PRODH2: variants seen among roughly 807,000 people sequenced by gnomAD.
PRODH2 encodes the protein hydroxyproline dehydrogenase.
In PRODH2, 49 loss-of-function variants were observed where a neutral mutation model predicts 51.9. The ratio of observed to expected loss-of-function variants is 0.94; its 90% confidence interval spans 0.75 to 1.20. The LOEUF is 1.20. Among genes scored for constraint, PRODH2 ranks in the 50% most tolerant of loss-of-function variants. The pLI, the probability that PRODH2 is intolerant of heterozygous loss-of-function variation, is 0.00. For synonymous variants in PRODH2, 249 were observed against 260.7 expected, an observed-to-expected ratio of 0.96 and a Z score of 0.43; for missense variants, 597 against 610.9, an observed-to-expected ratio of 0.98 and a Z score of 0.24.
At chr19:35,808,709 T>G (rs1177640557) in intron 4 of PRODH2, among the ~76,000 whole-genome samples, 1 of 152,012 alleles carries the variant, frequency 6.6e-6, no homozygotes, top group Non-Finnish European at 1.5e-5. Flanking sequence ...GTCACACAGC[T>G]AACTCAGGGC....
intron 7 of PRODH2, 101 bp downstream of exon 7, chr19:35,806,329 T>C: frequency 7.0e-7 from 1 of 1,435,148 alleles, no homozygotes; most frequent in Non-Finnish European, 9.6e-7. Context: ...AGTGAATCTC[T>C]AGCCTCAGCC....
At chr19:35,804,788 G>T (rs940625065) in intron 7 of PRODH2, among the ~76,000 whole-genome samples, 3 of 152,148 alleles carry the variant, frequency 2.0e-5, no homozygotes, top group Non-Finnish European at 2.9e-5. Flanking sequence ...ATAAAAAAAT[G>T]TGTTGGGTAT....
chr19:35,807,246 C>A lies in PRODH2; in HGVS notation c.598-125G>T, dbSNP rs28368300. 142 of 868,206 alleles carry A rather than the reference C, an allele frequency of 1.6e-4. No individual in the cohort carries two copies. The East Asian group carries it at 3.7e-3, about 23-fold the overall frequency. 53.8% of individuals were successfully genotyped at this position (868,206 alleles called of 1,614,324 possible). A position where few individuals can be genotyped will look rare whatever the true frequency, so the allele number is the denominator to read the frequency against. ...CCTAGAATCAGGGCTCGAATCCAGG[C>A]TTCACCACCTACTGTGTGACCTTGG... On this transcript the variant is annotated intron_variant, in intron 4 of 9. Transcript: ENST00000653904.
rs748390069 is a variant in PRODH2 at position 35,803,741 on chromosome 19, C to T, written c.1002-663G>A. 2.0e-5 allele frequency among the ~76,000 whole-genome samples: 3 copies of T among 152,226 alleles called. No homozygotes were observed. The South Asian group carries it at 6.2e-4, about 31-fold the overall frequency. ...ATTGTCAACAGAACATCACTAGCAA[C>T]AGCCCAAATGTCCATAAATGGGGAA... On this transcript the variant is annotated intron_variant, in intron 7 of 9. Coordinates refer to ENST00000653904, the MANE Select transcript of PRODH2 (RefSeq NM_021232.2).
intron 4 of PRODH2, 83 bp from the exon 5 acceptor site, chr19:35,807,204 A>T: frequency 7.9e-7 from 1 of 1,266,416 alleles, no homozygotes; most frequent in Non-Finnish European, 1.1e-6. Flanking sequence ...GGTACTATTT[A>T]TTGAGGGGGT....
chr19:35,808,102 C>G (rs748652323), intron 4 of PRODH2, among the ~76,000 whole-genome samples: 15 of 152,274 alleles, frequency 9.9e-5, no homozygotes, highest in African/African-American at 3.6e-4. Context: ...GTAAGTGCCT[C>G]GAGGTCAGGG....
Position 35,806,708 on chromosome 19 carries a change from G to A in PRODH2, c.801C>T (p.Pro267=). 6.2e-7 allele frequency: 1 copy of A among 1,614,192 alleles called. No homozygotes were observed. Among genetic ancestry groups the A allele is most frequent in the Non-Finnish European group, 8.5e-7 (1 of 1,180,034 alleles). ...VRWNSPGEGG[P]WVWNTYQACL... is the part of the protein sequence containing the mutation. The stretch of plus-strand genomic sequence containing the variant: ...AGGCCTGGTAGGTGTTCCACACCCA[G>A]GGCCCGCCTTCACCCGGGCTGTTCC... Residue 267 remains proline (P), a synonymous_variant, in exon 6 of 10, where the codon CCC becomes CCT. Transcript: ENST00000653904.
chr19:35,809,270 A>AT (rs1207102842), intron 4 of PRODH2, among the ~76,000 whole-genome samples: 4 of 152,026 alleles, frequency 2.6e-5, no homozygotes, highest in Non-Finnish European at 4.4e-5. Context: ...ATTTAAAGGA[A>AT]TTTTTTGTAG....
intron 4 of PRODH2, among the ~76,000 whole-genome samples, chr19:35,808,557 G>A (rs530664773): frequency 5.3e-5 from 8 of 152,124 alleles, no homozygotes; most frequent in Non-Finnish European, 1.2e-4. Context: ...GTAGTCTTAG[G>A]CCCTCAGGGA....
In PRODH2 at chr19:35,801,302, C is replaced by T. The variant is rs554543252; in HGVS notation, c.1198+889G>A. On this transcript the variant is annotated intron_variant, in intron 9 of 9. Transcript: ENST00000653904. ...CAAACATGGTAAGACCCCATCTCTA[C>T]TAAAAATACAAAAATTAGCTGGGCG... Among the ~76,000 whole-genome samples, 4 of 152,194 alleles carry T rather than the reference C, an allele frequency of 2.6e-5. No individual in the cohort carries two copies. The East Asian group carries it at 5.8e-4, about 22-fold the overall frequency.
chr19:35,804,345 A>G (rs561981444), intron 7 of PRODH2, among the ~76,000 whole-genome samples: 1 of 152,184 alleles, frequency 6.6e-6, no homozygotes, highest in African/African-American at 2.4e-5. Flanking sequence ...GAGGCCCTGC[A>G]CCTGGCCCCT....
intron 4 of PRODH2, among the ~76,000 whole-genome samples, 195 bp from the exon 5 acceptor site, chr19:35,807,316 T>G (rs75255027): frequency 2.0e-5 from 3 of 152,166 alleles, no homozygotes; most frequent in Non-Finnish European, 4.4e-5. Flanking sequence ...GTTTGTTTGT[T>G]TTTTGAAACA....
Position 35,812,733 on chromosome 19 carries a change from C to G in PRODH2, c.73G>C (p.Asp25His). The G allele has an allele frequency of 6.2e-7, 1 of 1,611,740 alleles. No individual in the cohort carries two copies. Among genetic ancestry groups the G allele is most frequent in the South Asian group, 1.1e-5 (1 of 90,840 alleles). Residue 25 changes from aspartate (D) to histidine (H), a missense_variant, in exon 1 of 10, where the codon GAT becomes CAT. Transcript: ENST00000653904. Reference protein sequence around the residue: ...PSRGWQSLSFDGGAFHLKGTG... With the variant: ...PSRGWQSLSFHGGAFHLKGTG... The stretch of plus-strand genomic sequence containing the variant: ...CCCTTAAGGTGGAAGGCCCCGCCAT[C>G]AAAGCTCAGGGACTGCCAGCCCCTG...
chr19:35,806,583 C>T lies in PRODH2; in HGVS notation c.848G>A (p.Arg283Gln), dbSNP rs140524915. ...CGCAGCCTCTGCATCCCTCCCCAGC[C>T]GCTCGAATGTGTCCTATAGGGCACG... ...YQACLKDTFE[R>Q]LGRDAEAAHR... Residue 283 changes from arginine to glutamine, a missense_variant, in exon 7 of 10, where the codon CGG becomes CAG. Arg to Gln is a conservative substitution (Grantham distance 43). Transcript: ENST00000653904. The T allele has an allele frequency of 3.3e-5, 54 of 1,614,028 alleles. No individual in the cohort carries two copies. Among genetic ancestry groups the T allele is most frequent in the Non-Finnish European group, 4.0e-5 (47 of 1,180,036 alleles).
At position 35,800,077 on chromosome 19, in the gene PRODH2, C is replaced by T. The variant is rs527670472; in HGVS notation, c.1344G>A (p.Trp448Ter). The T allele has an allele frequency of 6.2e-7, 1 of 1,612,310 alleles. No homozygotes were observed. The highest frequency in any genetic ancestry group is 1.1e-5 in the South Asian group (1 of 90,652). Residue 448 changes from tryptophan (W) to a stop codon, truncating the protein, a stop_gained, in exon 10 of 10, where the codon TGG becomes TGA. Transcript: ENST00000653904. LOFTEE classifies it low-confidence loss of function (END_TRUNC). ...TTCGGCATCCTGGCAGCAGCCGCCG[C>T]CACAGTTCTTGGCTGAGCAGCTCCT... is the stretch of plus-strand genomic sequence containing the variant. ...REQELLSQEL[W>*]RRLLPGCRRI...
chr19:35,808,934 C>T (rs1215578910), intron 4 of PRODH2, among the ~76,000 whole-genome samples: 1 of 151,806 alleles, frequency 6.6e-6, no homozygotes, highest in Non-Finnish European at 1.5e-5. Context: ...CACGTGCCAC[C>T]ACTTCTGGAT....
intron 7 of PRODH2, among the ~76,000 whole-genome samples, chr19:35,804,045 G>T (rs1283422237): frequency 6.6e-6 from 1 of 152,160 alleles, no homozygotes; most frequent in Non-Finnish European, 1.5e-5. Context: ...GAGTGTGGGT[G>T]TCTCACCTCG....
intron 7 of PRODH2, among the ~76,000 whole-genome samples, chr19:35,805,078 G>A (rs1318867072): frequency 6.6e-6 from 1 of 152,052 alleles, no homozygotes; most frequent in South Asian, 2.1e-4. Flanking sequence ...AGGGGAGGAG[G>A]GAACAGAAGG....
chr19:35,806,518 C>T lies in PRODH2; in HGVS notation c.913G>A (p.Gly305Ser), dbSNP rs1972513123. 1 of 1,614,172 alleles carries T rather than the reference C, an allele frequency of 6.2e-7. No homozygotes were observed. Among genetic ancestry groups the T allele is most frequent in the Non-Finnish European group, 8.5e-7 (1 of 1,180,022 alleles). The change falls in exon 7 of 10, where the codon GGT becomes AGT. Residue 305 changes from glycine to serine, a missense_variant. Gly to Ser is a moderately conservative substitution (Grantham distance 56). Coordinates refer to ENST00000653904, the MANE Select transcript of PRODH2 (RefSeq NM_021232.2). ...GLAFGVKLVR[G>S]AYLDKERAVA... Reference sequence around the variant, plus strand: ...GCTCTCTCCTTGTCCAGATATGCACCTCGTACCAGCTTCACTCCGAAGGCC... The same window carrying T: ...GCTCTCTCCTTGTCCAGATATGCACTTCGTACCAGCTTCACTCCGAAGGCC...
Sources: gnomAD v4.1 joint callset for allele counts (sites outside exome capture counted in the v4.1 genomes callset) on GRCh38, gnomAD v4.1.1 for gene constraint, MANE v1.5 for transcripts, NCBI Gene and HGNC (gene_info 2026-07-23, HGNC 2026-07-21) for gene names.